The following SNTG1 variants were observed in gnomAD, a reference collection of about 807,000 sequenced individuals.
SNTG1 encodes syntrophin gamma 1.
A neutral mutation model predicts 74.7 loss-of-function variants in SNTG1; 39 were observed. That is an observed-to-expected ratio of 0.52 (90% confidence interval 0.40 to 0.68). The LOEUF is 0.68. SNTG1 is among the 30% of genes least tolerant of loss of function. SNTG1 has a pLI of 0.00. For missense variants in SNTG1, 685 were observed against 609.5 expected, an observed-to-expected ratio of 1.12 and a Z score of -1.30; for synonymous variants, 254 against 217.1, an observed-to-expected ratio of 1.17 and a Z score of -1.49.
rs75154399 is a variant in SNTG1, at chr8:50,268,922, G to T, written c.-28+96287G>T. Among the ~76,000 whole-genome samples, 8 of 152,234 alleles carry T rather than the reference G, an allele frequency of 5.3e-5. No individual in the cohort carries two copies. In the East Asian group the frequency reaches 1.6e-3, roughly 30 times the overall value. Reference sequence around the variant, plus strand: ...GATATGTCTGCCTCGGCCTCCTAAAGTGCTGAGGTTACAGGTGTGAGCCAT... The same window carrying T: ...GATATGTCTGCCTCGGCCTCCTAAATTGCTGAGGTTACAGGTGTGAGCCAT... On this transcript the variant is annotated intron_variant, in intron 2 of 18. Coordinates refer to ENST00000642720, the MANE Select transcript of SNTG1 (RefSeq NM_018967.5).
chr8:50,007,343 G>T (rs1324528364), intron 1 of SNTG1, among the ~76,000 whole-genome samples: 5 of 151,994 alleles, frequency 3.3e-5, no homozygotes, highest in Non-Finnish European at 5.9e-5. Context: ...CTCTCCTTGG[G>T]TCGTCTTTCA....
At chr8:50,008,463 C>T (rs1815460935) in intron 1 of SNTG1, among the ~76,000 whole-genome samples, 1 of 152,002 alleles carries the variant, frequency 6.6e-6, no homozygotes, top group African/African-American at 2.4e-5. Flanking sequence ...GTCTAGTCTT[C>T]CTTATTATGT....
chr8:50,015,632 G>A (rs1334360565), intron 1 of SNTG1, among the ~76,000 whole-genome samples: 1 of 152,090 alleles, frequency 6.6e-6, no homozygotes. Flanking sequence ...CTTAATATCA[G>A]TTTAGTGCAA....
intron 1 of SNTG1, among the ~76,000 whole-genome samples, chr8:50,044,078 T>A (rs1818870209): frequency 1.3e-5 from 2 of 152,138 alleles, no homozygotes; most frequent in Non-Finnish European, 2.9e-5. Context: ...TCTGAAAAAC[T>A]ACAAGTTGCA....
At chr8:49,995,556 A>C (rs1011813893) in intron 1 of SNTG1, among the ~76,000 whole-genome samples, 1 of 152,256 alleles carries the variant, frequency 6.6e-6, no homozygotes, top group African/African-American at 2.4e-5. Context: ...TCAGCAGTTC[A>C]GGGTTTTTGC....
chr8:49,966,321 G>C (rs1811134642), intron 1 of SNTG1, among the ~76,000 whole-genome samples: 1 of 151,900 alleles, frequency 6.6e-6, no homozygotes, highest in Non-Finnish European at 1.5e-5. Context: ...AGTACTTTAA[G>C]TGTTTAGTTA....
intron 2 of SNTG1, among the ~76,000 whole-genome samples, chr8:50,282,342 CCT>C (rs1250450242): frequency 6.7e-6 from 1 of 148,996 alleles, no homozygotes; most frequent in Non-Finnish European, 1.5e-5. Context: ...GCCAGAAGCC[CCT>C]CTCACGTTTA....
rs570262148 is a variant in SNTG1 at position 50,024,744 on chromosome 8, G to A, written c.-103+112513G>A. ...AGTTAGTGAACGTTGTCTCTCTCTCGAGATATTTTATTGTACCGTACTCAC... is the reference window on the plus strand; with the variant it reads ...AGTTAGTGAACGTTGTCTCTCTCTCAAGATATTTTATTGTACCGTACTCAC... On this transcript the variant is annotated intron_variant, in intron 1 of 18. Coordinates refer to ENST00000642720, the MANE Select transcript of SNTG1 (RefSeq NM_018967.5). Among the ~76,000 whole-genome samples, 252 of 152,144 alleles carry A rather than the reference G, an allele frequency of 1.7e-3. 4 individuals carry two copies. Among genetic ancestry groups the A allele is most frequent in the African/African-American group, 5.8e-3 (240 of 41,504 alleles).
intron 12 of SNTG1, among the ~76,000 whole-genome samples, chr8:50,590,050 T>A (rs2094681759): frequency 1.3e-5 from 2 of 152,258 alleles, no homozygotes; most frequent in South Asian, 4.1e-4. Flanking sequence ...CTTTTTCTGT[T>A]TAAATGAACT....
chr8:50,487,582 C>G lies in SNTG1; in HGVS notation c.364-15196C>G, dbSNP rs1199037847. On this transcript the variant is annotated intron_variant, in intron 8 of 18. Coordinates refer to ENST00000642720, the MANE Select transcript of SNTG1 (RefSeq NM_018967.5). ...AATCATCATTCTCAGTAAACTATCG[C>G]AAGATCAAAAAACCAAACACTGCAT... Among the ~76,000 whole-genome samples, 6 of 150,640 alleles carry G rather than the reference C, an allele frequency of 4.0e-5. No homozygotes were observed. In the East Asian group the frequency reaches 1.2e-3, roughly 30 times the overall value.
At chr8:50,227,880 C>T (rs2085415401) in intron 2 of SNTG1, among the ~76,000 whole-genome samples, 1 of 139,888 alleles carries the variant, frequency 7.1e-6, no homozygotes, top group African/African-American at 2.6e-5. Flanking sequence ...ATACTCAATG[C>T]AATACGTCCA....
intron 13 of SNTG1, among the ~76,000 whole-genome samples, chr8:50,608,451 C>G (rs527951079): frequency 6.6e-6 from 1 of 151,600 alleles, no homozygotes; most frequent in Non-Finnish European, 1.5e-5. Context: ...CATGAAATGT[C>G]GTTCTTTTTC....
intron 2 of SNTG1, among the ~76,000 whole-genome samples, chr8:50,185,374 A>C (rs950071161): frequency 6.6e-6 from 1 of 152,210 alleles, no homozygotes; most frequent in Non-Finnish European, 1.5e-5. Context: ...GAGTCGATTA[A>C]ACCTTTTTCT....
At chr8:50,189,997 T>C (rs962589835) in intron 2 of SNTG1, among the ~76,000 whole-genome samples, 19 of 152,156 alleles carry the variant, frequency 1.2e-4, no homozygotes, top group Non-Finnish European at 7.4e-5. Context: ...GCTTGTGTTA[T>C]AGATATTCCC....
At chr8:50,790,549 T>A (rs749720023) in intron 18 of SNTG1, among the ~76,000 whole-genome samples, 5 of 151,806 alleles carry the variant, frequency 3.3e-5, no homozygotes, top group Non-Finnish European at 5.9e-5. Flanking sequence ...AATTAGTAAA[T>A]GAGCAGTGTG....
At chr8:50,541,242 C>CGTGTGTGT (rs1355277110) in intron 11 of SNTG1, among the ~76,000 whole-genome samples, 9 of 106,356 alleles carry the variant, frequency 8.5e-5, no homozygotes, top group South Asian at 6.2e-4. Context: ...TAAGATTTTA[C>CGTGTGTGT]CTGTGTGTGT....
chr8:49,927,702 G>A (rs1455504128), intron 1 of SNTG1, among the ~76,000 whole-genome samples: 1 of 152,084 alleles, frequency 6.6e-6, no homozygotes, highest in East Asian at 1.9e-4. Flanking sequence ...TAAGTAGGCA[G>A]AGCATAGATT....
intron 2 of SNTG1, among the ~76,000 whole-genome samples, chr8:50,334,000 G>A (rs761857912): frequency 1.7e-4 from 26 of 152,104 alleles, no homozygotes; most frequent in Non-Finnish European, 3.4e-4. Flanking sequence ...GGGTTCAAGC[G>A]ATTCTCCTGC....
chr8:50,086,351 A>G (rs956146055), intron 1 of SNTG1, among the ~76,000 whole-genome samples: 7 of 152,238 alleles, frequency 4.6e-5, no homozygotes, highest in African/African-American at 1.2e-4. Flanking sequence ...TTTGGAAGCT[A>G]TAATTGAGTA....
Sources: gnomAD v4.1 joint callset for allele counts (sites outside exome capture counted in the v4.1 genomes callset) on GRCh38, gnomAD v4.1.1 for gene constraint, MANE v1.5 for transcripts, NCBI Gene and HGNC (gene_info 2026-07-23, HGNC 2026-07-21) for gene names.